AGBL4: variants seen among roughly 807,000 people sequenced by gnomAD.
AGBL4 encodes the protein cytosolic carboxypeptidase 6.
Under a neutral mutation model 66.4 loss-of-function variants are expected in AGBL4, and 58 were observed. The ratio of observed to expected loss-of-function variants is 0.87; its 90% CI spans 0.71 to 1.09. The LOEUF (loss-of-function observed/expected upper bound fraction) is 1.09. AGBL4 is among the 50% of genes least tolerant of loss of function. The pLI is 0.00. For missense variants in AGBL4, 579 were observed against 631.0 expected, an observed-to-expected ratio of 0.92 and a Z score of 0.88; for synonymous variants, 234 against 222.9, an observed-to-expected ratio of 1.05 and a Z score of -0.44.
chr1:49,761,018 TG>T (rs1301497590), intron 2 of AGBL4, among the ~76,000 whole-genome samples: 1 of 146,534 alleles, frequency 6.8e-6, no homozygotes, highest in African/African-American at 2.5e-5. Flanking sequence ...CAGGGCCTGT[TG>T]GGGGGTGGGG....
At chr1:48,554,624 A>G (rs1460193628) in intron 11 of AGBL4, among the ~76,000 whole-genome samples, 1 of 151,742 alleles carries the variant, frequency 6.6e-6, no homozygotes, top group Non-Finnish European at 1.5e-5. Context: ...TTCTGCTGTG[A>G]TGTTACTTTC....
At chr1:49,431,280 C>T (rs1462131292) in intron 3 of AGBL4, among the ~76,000 whole-genome samples, 3 of 152,114 alleles carry the variant, frequency 2.0e-5, no homozygotes, top group African/African-American at 7.2e-5. Flanking sequence ...CATAAAAAAA[C>T]TCCATGTAAA....
intron 6 of AGBL4, among the ~76,000 whole-genome samples, chr1:48,790,906 C>G (rs370062266): frequency 6.6e-6 from 1 of 152,098 alleles, no homozygotes; most frequent in African/African-American, 2.4e-5. Context: ...ATTACAAGAC[C>G]TTATATCTGA....
chr1:49,751,746 C>T (rs191730450), intron 2 of AGBL4, among the ~76,000 whole-genome samples: 1 of 152,112 alleles, frequency 6.6e-6, no homozygotes, highest in Non-Finnish European at 1.5e-5. Flanking sequence ...TAATTACTGC[C>T]TCAATTTCAG....
intron 4 of AGBL4, among the ~76,000 whole-genome samples, chr1:49,213,071 G>C (rs2148259219): frequency 6.6e-6 from 1 of 152,018 alleles, no homozygotes; most frequent in Non-Finnish European, 1.5e-5. Context: ...TACTTACAAA[G>C]GACTATGGCT....
intron 11 of AGBL4, among the ~76,000 whole-genome samples, chr1:48,562,651 A>C (rs1488561066): frequency 6.6e-6 from 1 of 152,194 alleles, no homozygotes; most frequent in Non-Finnish European, 1.5e-5. Context: ...ATCAGTAAAA[A>C]CAGAACAAGT....
At chr1:49,078,764 G>A (rs1201555331) in intron 4 of AGBL4, among the ~76,000 whole-genome samples, 1 of 151,916 alleles carries the variant, frequency 6.6e-6, no homozygotes, top group Non-Finnish European at 1.5e-5. Context: ...CCTCTTTATT[G>A]ACCTTTTGTC....
chr1:48,895,844 ATG>A (rs1651453854), intron 5 of AGBL4, among the ~76,000 whole-genome samples: 2 of 152,204 alleles, frequency 1.3e-5, no homozygotes, highest in African/African-American at 4.8e-5. Context: ...ACAATGTTAC[ATG>A]GGCAGTGGCA....
intron 6 of AGBL4, among the ~76,000 whole-genome samples, chr1:48,815,728 T>C (rs1017402852): frequency 6.6e-6 from 1 of 152,166 alleles, no homozygotes; most frequent in Non-Finnish European, 1.5e-5. Flanking sequence ...GGAGAGAATA[T>C]ATTATAAACA....
At chr1:49,776,012 A>G (rs1223665417) in intron 2 of AGBL4, among the ~76,000 whole-genome samples, 1 of 152,094 alleles carries the variant, frequency 6.6e-6, no homozygotes, top group Non-Finnish European at 1.5e-5. Context: ...GAAGAACAAG[A>G]TAAGGTCCAT....
intron 6 of AGBL4, among the ~76,000 whole-genome samples, chr1:48,837,162 C>T (rs1009817937): frequency 4.0e-5 from 6 of 151,496 alleles, no homozygotes; most frequent in African/African-American, 1.2e-4. Context: ...ATGAGGAAAG[C>T]GATTTTCAAT....
At chr1:48,636,880 A>C (rs1645676153) in intron 8 of AGBL4, among the ~76,000 whole-genome samples, 1 of 152,156 alleles carries the variant, frequency 6.6e-6, no homozygotes, top group African/African-American at 2.4e-5. Context: ...TGTATAAGTA[A>C]ATTAAGGAGG....
intron 9 of AGBL4, among the ~76,000 whole-genome samples, chr1:48,618,827 G>A (rs576723147): frequency 3.3e-5 from 5 of 152,098 alleles, no homozygotes; most frequent in Admixed American, 6.5e-5. Flanking sequence ...TACAGTGGTC[G>A]GGGGAGGAGT....
intron 6 of AGBL4, among the ~76,000 whole-genome samples, chr1:48,687,039 G>C (rs570736249): frequency 3.3e-5 from 5 of 151,732 alleles, no homozygotes; most frequent in African/African-American, 1.2e-4. Flanking sequence ...TCATAGGGAG[G>C]GGGGACCAAC....
At chr1:49,681,521 T>A (rs1189659611) in intron 3 of AGBL4, among the ~76,000 whole-genome samples, 2 of 152,174 alleles carry the variant, frequency 1.3e-5, no homozygotes, top group African/African-American at 2.4e-5. Context: ...GTGTTAGCAC[T>A]CTAGCGTCAC....
chr1:48,979,731 TAAGA>T (rs1486682167), intron 5 of AGBL4, among the ~76,000 whole-genome samples: 2 of 152,064 alleles, frequency 1.3e-5, no homozygotes, highest in African/African-American at 4.8e-5. Flanking sequence ...ATATATAATG[TAAGA>T]AAGACACTGG....
intron 3 of AGBL4, among the ~76,000 whole-genome samples, chr1:49,382,496 G>C (rs182588936): frequency 7.9e-5 from 12 of 151,968 alleles, no homozygotes; most frequent in African/African-American, 2.9e-4. Flanking sequence ...AACAAACTGG[G>C]AATAGAAGGA....
intron 6 of AGBL4, among the ~76,000 whole-genome samples, chr1:48,681,591 G>C (rs1291743551): frequency 1.3e-5 from 2 of 152,190 alleles, no homozygotes; most frequent in East Asian, 3.9e-4. Flanking sequence ...AAAAGCCAGG[G>C]TCGAGTTAAC....
chr1:48,674,848 C>T (rs1012089065), intron 6 of AGBL4, among the ~76,000 whole-genome samples: 5 of 152,128 alleles, frequency 3.3e-5, no homozygotes, highest in African/African-American at 1.2e-4. Flanking sequence ...CCTGCTTCAC[C>T]CCCAGGCAGT....
Sources: allele counts gnomAD v4.1 joint callset (sites outside exome capture counted in the v4.1 genomes callset), GRCh38; gene constraint gnomAD v4.1.1; transcripts MANE v1.5; gene names NCBI Gene and HGNC (gene_info 2026-07-23, HGNC 2026-07-21).